SCAF4: variants seen among roughly 807,000 people sequenced by gnomAD.
SCAF4 encodes the protein SR-related CTD associated factor 4.
Under a neutral mutation model 129.8 loss-of-function variants are expected in SCAF4, and 25 were observed. That is an observed-to-expected ratio of 0.19 (90% CI 0.14 to 0.27). The LOEUF is 0.27. Ranked by LOEUF, SCAF4 falls within the 10% of genes least tolerant of loss-of-function variation. The pLI is 1.00. For synonymous variants in SCAF4, 551 were observed against 497.7 expected (o/e 1.11, Z -1.43); for missense variants, 1,246 against 1,457.1 (o/e 0.86, Z 2.36).
rs1449073353 is a variant in SCAF4 at position 31,691,854 on chromosome 21, C to T, written c.1691G>A (p.Ser564Asn). Residue 564 changes from serine to asparagine, a missense_variant, in exon 14 of 20, where the codon AGC (serine) becomes AAC (asparagine). By Grantham distance (46) the Ser-to-Asn change is conservative. Coordinates refer to ENST00000286835, the MANE Select transcript of SCAF4 (RefSeq NM_020706.2). ...CTGGTTCACTTTATAGTTTCCTCGGCTCAGTTTCTGCAGGGCACGATAGGC... is the reference window on the plus strand; with the variant it reads ...CTGGTTCACTTTATAGTTTCCTCGGTTCAGTTTCTGCAGGGCACGATAGGC... ...QDAYRALQKL[S>N]RGNYKVNQKS... 9.3e-6 allele frequency: 15 copies of T among 1,608,326 alleles called. No homozygotes were observed. The highest frequency in any genetic ancestry group is 1.3e-5 in the Non-Finnish European group (15 of 1,176,974).
intron 1 of SCAF4, among the ~76,000 whole-genome samples, chr21:31,716,265 G>A (rs2050918284): frequency 6.6e-6 from 1 of 151,894 alleles, no homozygotes; most frequent in Non-Finnish European, 1.5e-5. Context: ...ATTATTTCCA[G>A]TATTCCTTCC....
intron 15 of SCAF4, 131 bp from the exon 16 acceptor site, chr21:31,688,595 T>C (rs570358193): frequency 2.4e-5 from 17 of 714,868 alleles, no homozygotes; most frequent in African/African-American, 8.9e-5. Context: ...ATTTTAGAAA[T>C]AGTAATTATT....
At chr21:31,721,815 C>G (rs2051076784) in intron 1 of SCAF4, among the ~76,000 whole-genome samples, 1 of 151,810 alleles carries the variant, frequency 6.6e-6, no homozygotes, top group African/African-American at 2.4e-5. Context: ...CAACCTCCAC[C>G]TCCCAGGTTC....
chr21:31,673,545 A>T (rs907865703), intron 19 of SCAF4, among the ~76,000 whole-genome samples: 9 of 138,986 alleles, frequency 6.5e-5, no homozygotes, highest in African/African-American at 2.6e-4. Flanking sequence ...CTGTCCCTTC[A>T]CAGGCTCTTC....
chr21:31,700,611 C>T (rs2050501820), intron 7 of SCAF4: 3 of 259,646 alleles, frequency 1.2e-5, no homozygotes, highest in South Asian at 8.1e-5. Flanking sequence ...ATGTATTATA[C>T]TCAATTAAAG....
chr21:31,676,497 A>G lies in SCAF4; in HGVS notation c.2489-4143T>C, dbSNP rs373021867. On this transcript the variant is annotated intron_variant, in intron 19 of 19. Coordinates refer to ENST00000286835, the MANE Select transcript of SCAF4 (RefSeq NM_020706.2). ...GGTTTTAAATGCAACTCTTCTGCCTAATCTCCACCTGGACATGGAGTATGC... is the reference window on the plus strand; with the variant it reads ...GGTTTTAAATGCAACTCTTCTGCCTGATCTCCACCTGGACATGGAGTATGC... Among the ~76,000 whole-genome samples, 89 of 152,248 alleles carry G rather than the reference A, an allele frequency of 5.8e-4. 2 individuals are homozygous for G. In the South Asian group the frequency reaches 0.018, roughly 31 times the overall value.
At chr21:31,689,862 G>A (rs1289422432) in intron 15 of SCAF4, among the ~76,000 whole-genome samples, 2 of 151,808 alleles carry the variant, frequency 1.3e-5, no homozygotes. Context: ...TGGAACCCGG[G>A]AGGCACAGGT....
chr21:31,682,638 C>A (rs1208683431), intron 19 of SCAF4, among the ~76,000 whole-genome samples: 5 of 152,146 alleles, frequency 3.3e-5, no homozygotes, highest in Non-Finnish European at 7.3e-5. Flanking sequence ...TTTTCTCCCC[C>A]TTTAGAGATG....
chr21:31,692,930 G>A (rs370504067), intron 12 of SCAF4, among the ~76,000 whole-genome samples: 1 of 152,156 alleles, frequency 6.6e-6, no homozygotes, highest in African/African-American at 2.4e-5. Flanking sequence ...ATATGCCCTA[G>A]TCATATTATA....
chr21:31,679,738 G>A (rs913027827), intron 19 of SCAF4, among the ~76,000 whole-genome samples: 2 of 152,110 alleles, frequency 1.3e-5, no homozygotes, highest in Non-Finnish European at 2.9e-5. Flanking sequence ...TCTAATACAT[G>A]AAAAACAGAA....
chr21:31,706,554 C>G, intron 1 of SCAF4, 197 bp from the exon 2 acceptor site: 1 of 551,236 alleles, frequency 1.8e-6, no homozygotes, highest in South Asian at 2.4e-5. Flanking sequence ...TGCCGTGATA[C>G]CCAAGAAGAA....
chr21:31,678,820 C>G (rs569113087), intron 19 of SCAF4, among the ~76,000 whole-genome samples: 1 of 152,138 alleles, frequency 6.6e-6, no homozygotes, highest in Non-Finnish European at 1.5e-5. Flanking sequence ...CGTGTTACAC[C>G]CTTATACTGC....
At position 31,671,509 on chromosome 21, in the gene SCAF4, C is replaced by A. The variant is rs745643947; in HGVS notation, c.3334G>T (p.Gly1112Trp). ...TTTAGGACTGCAGCCTCAGACACCC[C>A]CTTCTCAAGTTCTGAAGCAGTGTCT... ...NVDTASELEKGVSEAAVLKPS... is the reference protein window; with the variant it reads ...NVDTASELEKWVSEAAVLKPS... Residue 1112 changes from glycine to tryptophan, a missense_variant, in exon 20 of 20, where the codon GGG becomes TGG. Coordinates refer to ENST00000286835, the MANE Select transcript of SCAF4 (RefSeq NM_020706.2). 2 of 1,614,162 alleles carry A rather than the reference C, an allele frequency of 1.2e-6. No homozygotes were observed. Among genetic ancestry groups the A allele is most frequent in the East Asian group, 4.5e-5 (2 of 44,868 alleles).
At chr21:31,713,559 C>T (rs2050854632) in intron 1 of SCAF4, among the ~76,000 whole-genome samples, 1 of 152,064 alleles carries the variant, frequency 6.6e-6, no homozygotes, top group Admixed American at 6.6e-5. Flanking sequence ...GGTTGAGATC[C>T]AGGAATGAAT....
intron 5 of SCAF4, 131 bp from the exon 6 acceptor site, chr21:31,702,049 G>A (rs2050545761): frequency 1.6e-5 from 20 of 1,262,464 alleles, no homozygotes; most frequent in Non-Finnish European, 2.2e-5. Flanking sequence ...TGGCACTAGA[G>A]TTTATACTGT....
chr21:31,701,894 A>T lies in SCAF4; in HGVS notation c.482T>A (p.Val161Asp), dbSNP rs767847096. ...NEGSPPPPVK[V>D]SSEPPTQATP... ...GGCTTGTGTGGGAGGTTCAGAAGAA[A>T]CTTTTACTGGAGGTGGAGGTGAGCC... Residue 161 changes from valine to aspartate, a missense_variant, in exon 6 of 20, where the codon GTT becomes GAT. Val to Asp is a radical substitution (Grantham distance 152). Coordinates refer to ENST00000286835, the MANE Select transcript of SCAF4 (RefSeq NM_020706.2). 1.9e-6 allele frequency: 3 copies of T among 1,613,952 alleles called. No individual in the cohort carries two copies. Among genetic ancestry groups the T allele is most frequent in the Non-Finnish European group, 2.5e-6 (3 of 1,179,956 alleles).
At chr21:31,711,288 T>C (rs924865948) in intron 1 of SCAF4, among the ~76,000 whole-genome samples, 2 of 152,248 alleles carry the variant, frequency 1.3e-5, no homozygotes, top group South Asian at 2.1e-4. Flanking sequence ...TAATATTTTA[T>C]TGACTTATTT....
chr21:31,710,254 G>GA (rs2050768370), intron 1 of SCAF4, among the ~76,000 whole-genome samples: 2 of 152,036 alleles, frequency 1.3e-5, no homozygotes, highest in African/African-American at 4.8e-5. Flanking sequence ...AGGCCACCAA[G>GA]AACACATACA....
intron 1 of SCAF4, chr21:31,712,957 A>C: frequency 1.6e-6 from 1 of 643,398 alleles, no homozygotes; most frequent in Non-Finnish European, 1.9e-6. Context: ...ACCCCCTCTC[A>C]CATACACCAA....
Sources: gnomAD v4.1 joint callset for allele counts (sites outside exome capture counted in the v4.1 genomes callset) on GRCh38, gnomAD v4.1.1 for gene constraint, MANE v1.5 for transcripts, NCBI Gene and HGNC (gene_info 2026-07-23, HGNC 2026-07-21) for gene names.